POLR3B: variants seen among roughly 807,000 people sequenced by gnomAD.
POLR3B encodes DNA-directed RNA polymerase III subunit RPC2.
POLR3B carries 96 observed loss-of-function variants against 147.4 expected under a neutral mutation model. The ratio of observed to expected loss-of-function variants is 0.65; its 90% CI spans 0.55 to 0.77. The LOEUF (loss-of-function observed/expected upper bound fraction) is 0.77. Ranked by LOEUF, POLR3B falls within the 30% of genes least tolerant of loss-of-function variation. The probability of loss-of-function intolerance (pLI) is 0.00; values close to 1 mark genes in which losing one functional copy is unlikely to be tolerated. For missense variants in POLR3B, 1,036 were observed against 1,413.5 expected (o/e 0.73, Z 4.28); for synonymous variants, 461 against 485.9 (o/e 0.95, Z 0.67).
chr12:106,463,379 AAT>A, intron 22 of POLR3B, 97 bp from the exon 23 acceptor site: 1 of 1,035,844 alleles, frequency 9.7e-7, no homozygotes, highest in Non-Finnish European at 1.5e-6. Context: ...AAAATGTCAG[AAT>A]ACTCTATGGT....
chr12:106,473,104 C>A (rs1403731426), intron 23 of POLR3B, among the ~76,000 whole-genome samples: 2 of 103,060 alleles, frequency 1.9e-5, no homozygotes, highest in Admixed American at 2.1e-4. Context: ...TTCCCAGCAC[C>A]ATTTATTTAA....
chr12:106,409,349 TTTTTTG>T (rs1254697754), intron 11 of POLR3B, among the ~76,000 whole-genome samples: 2 of 141,058 alleles, frequency 1.4e-5, no homozygotes, highest in Non-Finnish European at 3.1e-5. Context: ...TAAGAGGGTT[TTTTTTG>T]TTTTTTTTTT....
intron 23 of POLR3B, among the ~76,000 whole-genome samples, chr12:106,494,425 G>A (rs1467058327): frequency 2.0e-5 from 3 of 152,150 alleles, no homozygotes; most frequent in African/African-American, 7.2e-5. Context: ...TGTTTTTTCA[G>A]GGGTATAGCT....
At chr12:106,434,585 G>A (rs937568423) in intron 16 of POLR3B, among the ~76,000 whole-genome samples, 2 of 151,746 alleles carry the variant, frequency 1.3e-5, no homozygotes, top group East Asian at 1.9e-4. Context: ...GTACAGAGAC[G>A]AATGTGACAT....
chr12:106,358,620 C>T (rs1197945123), intron 1 of POLR3B, among the ~76,000 whole-genome samples: 1 of 152,108 alleles, frequency 6.6e-6, no homozygotes, highest in African/African-American at 2.4e-5. Context: ...TCAAAATCTA[C>T]ACTGACGTGG....
intron 4 of POLR3B, among the ~76,000 whole-genome samples, chr12:106,368,894 GTT>G (rs11341760): frequency 0.37 from 56,015 of 151,384 alleles, 11,821 homozygotes; most frequent in African/African-American, 0.57. Flanking sequence ...ACAAATGAGC[GTT>G]TTTTTTTTGT....
At chr12:106,387,850 G>T (rs1004101951) in intron 9 of POLR3B, among the ~76,000 whole-genome samples, 25 of 152,148 alleles carry the variant, frequency 1.6e-4, no homozygotes, top group Non-Finnish European at 3.7e-4. Flanking sequence ...GAGCAAACAG[G>T]ATCATGTATT....
chr12:106,422,478 A>G (rs928183432), intron 12 of POLR3B, among the ~76,000 whole-genome samples: 1 of 152,320 alleles, frequency 6.6e-6, no homozygotes, highest in Admixed American at 6.5e-5. Flanking sequence ...TCTTTATAGC[A>G]ATGCAAGAGC....
intron 10 of POLR3B, among the ~76,000 whole-genome samples, chr12:106,404,197 TCTC>T (rs1274056370): frequency 2.0e-5 from 3 of 151,642 alleles, no homozygotes; most frequent in Non-Finnish European, 2.9e-5. Context: ...TTCAAGCAAT[TCTC>T]CTGCCTCAGC....
chr12:106,358,229 G>A, intron 1 of POLR3B: 1 of 1,390,352 alleles, frequency 7.2e-7, no homozygotes, highest in Non-Finnish European at 9.3e-7. Flanking sequence ...ATAGGTGTGC[G>A]TGGGGAGGAC....
chr12:106,412,860 A>G (rs1224631384), intron 12 of POLR3B, among the ~76,000 whole-genome samples: 1 of 152,002 alleles, frequency 6.6e-6, no homozygotes, highest in Non-Finnish European at 1.5e-5. Context: ...CCTTTTTACT[A>G]CTTTGATTTG....
intron 11 of POLR3B, chr12:106,410,404 C>T (rs1212924720): frequency 1.5e-5 from 3 of 205,122 alleles, no homozygotes; most frequent in African/African-American, 2.3e-5. Context: ...GCGTTCTGGA[C>T]TTTAGTGTCT....
rs1305123415 is a variant in POLR3B, at chr12:106,448,737, G to A, written c.2083+4147G>A. On this transcript the variant is annotated intron_variant, in intron 19 of 27. Transcript: ENST00000228347. ...TTACAGGTGTGAGCCACTGCACCCA[G>A]CCCATTTTTTTTTAATTACAATAAT... Among the ~76,000 whole-genome samples, 10 of 151,768 alleles carry A rather than the reference G, an allele frequency of 6.6e-5. No homozygotes were observed. The East Asian group carries it at 1.5e-3, about 24-fold the overall frequency.
rs774557688 is a variant in POLR3B at position 106,393,167 on chromosome 12, T to C, written c.846+14T>C. 3.1e-6 allele frequency: 5 copies of C among 1,614,020 alleles called. No individual in the cohort carries two copies. In the East Asian group the frequency reaches 1.1e-4, roughly 36 times the overall value. On this transcript the variant is annotated intron_variant, in intron 10 of 27. Transcript: ENST00000228347. ...ACACAGATGCAGGTGTGTCTTTTCA[T>C]GTTGTCCTTTGCTATGAAATGGAAT...
At chr12:106,394,880 G>A (rs1242440398) in intron 10 of POLR3B, among the ~76,000 whole-genome samples, 1 of 152,126 alleles carries the variant, frequency 6.6e-6, no homozygotes, top group Non-Finnish European at 1.5e-5. Flanking sequence ...CTAATAAAAG[G>A]ATATAGAGAT....
At chr12:106,377,997 C>T (rs1013343194) in intron 7 of POLR3B, among the ~76,000 whole-genome samples, 4 of 151,964 alleles carry the variant, frequency 2.6e-5, no homozygotes, top group Non-Finnish European at 5.9e-5. Context: ...CTGGGGCGGG[C>T]GAATCACTTG....
rs188371778 is a variant in POLR3B, at chr12:106,426,507, G to A, written c.1102-690G>A. ...AATTTTTGTATTTTTAGTAGAGACA[G>A]GGTTTCACCATCTTGGCCAGGCTGG... On this transcript the variant is annotated intron_variant, in intron 12 of 27. Coordinates refer to ENST00000228347, the MANE Select transcript of POLR3B (RefSeq NM_018082.6). 5.8e-3 allele frequency among the ~76,000 whole-genome samples: 882 copies of A among 152,056 alleles called. 3 individuals carry two copies. Among genetic ancestry groups the A allele is most frequent in the Non-Finnish European group, 9.6e-3 (654 of 67,972 alleles).
intron 23 of POLR3B, among the ~76,000 whole-genome samples, chr12:106,471,355 C>G (rs2137045775): frequency 6.6e-6 from 1 of 152,268 alleles, no homozygotes; most frequent in Non-Finnish European, 1.5e-5. Flanking sequence ...TACCTCTTCT[C>G]CAGGTACAGT....
At position 106,358,021 on chromosome 12, in the gene POLR3B, C is replaced by A; in HGVS notation, c.72+70C>A. ...CTGAGGGGGCGTTGCCCGGAGTGCT[C>A]GGGCCGCCAAGGGGGCGGGCTGGCG... On this transcript the variant is annotated intron_variant, in intron 1 of 27. Transcript: ENST00000228347. 5 of 1,586,104 alleles carry A rather than the reference C, an allele frequency of 3.2e-6. No homozygotes were observed. In the South Asian group the frequency reaches 3.4e-5, roughly 11 times the overall value.
Sources: allele counts gnomAD v4.1 joint callset (sites outside exome capture counted in the v4.1 genomes callset), GRCh38; gene constraint gnomAD v4.1.1; transcripts MANE v1.5; gene names NCBI Gene and HGNC (gene_info 2026-07-23, HGNC 2026-07-21).